IGFL2: variants seen among roughly 807,000 people sequenced by gnomAD.
The protein encoded by IGFL2 is IGF like family member 2.
Under a neutral mutation model 13.9 loss-of-function variants are expected in IGFL2, and 7 were observed. That is an observed-to-expected ratio of 0.51 (90% CI 0.29 to 0.95). IGFL2 has a LOEUF of 0.95. IGFL2 is among the 40% of genes least tolerant of loss of function. The probability of loss-of-function intolerance (pLI) is 0.08; values close to 1 mark genes in which losing one functional copy is unlikely to be tolerated. For missense variants in IGFL2, 138 were observed against 147.8 expected (o/e 0.93, Z 0.34); for synonymous variants, 55 against 55.8 (o/e 0.99, Z 0.07).
At chr19:46,125,402 A>C in the IGFL2 span, among the ~76,000 whole-genome samples, 1 of 152,200 alleles carries the variant, frequency 6.6e-6, no homozygotes, top group Admixed American at 6.5e-5. Context: ...AGGAGTGTGT[A>C]GTACTTAGGT....
the IGFL2 span, among the ~76,000 whole-genome samples, chr19:46,094,365 T>A: frequency 3.9e-5 from 6 of 152,142 alleles, no homozygotes; most frequent in Non-Finnish European, 8.8e-5. Context: ...ATATTTAGAT[T>A]GATTTTATTG....
chr19:46,124,208 C>A, the IGFL2 span: 1 of 1,609,148 alleles, frequency 6.2e-7, no homozygotes, highest in Non-Finnish European at 8.5e-7. Flanking sequence ...ATACTCAATT[C>A]CCAGTCTCTT....
chr19:46,137,124 A>C, the IGFL2 span: 1 of 1,608,972 alleles, frequency 6.2e-7, no homozygotes, highest in Non-Finnish European at 8.5e-7. Context: ...TTTGGCCCAG[A>C]TGTACAGGAA....
upstream of IGFL2, among the ~76,000 whole-genome samples, chr19:46,140,192 A>G (rs1972796205): frequency 6.6e-6 from 1 of 151,888 alleles, no homozygotes; most frequent in South Asian, 2.1e-4. Flanking sequence ...GGTGATCCAC[A>G]CACCTCAGCC....
At chr19:46,167,255 A>G in the IGFL2 span, among the ~76,000 whole-genome samples, 1 of 152,200 alleles carries the variant, frequency 6.6e-6, no homozygotes, top group African/African-American at 2.4e-5. Flanking sequence ...TTTGGGCCAC[A>G]GTGAAGAACT....
At chr19:46,206,106 A>G in the IGFL2 span, among the ~76,000 whole-genome samples, 2 of 152,176 alleles carry the variant, frequency 1.3e-5, no homozygotes, top group African/African-American at 4.8e-5. Context: ...TTGACCACAA[A>G]GTCTCAGGAT....
chr19:46,155,190 G>C (rs778696085), intron 1 of IGFL2, among the ~76,000 whole-genome samples: 1 of 152,232 alleles, frequency 6.6e-6, no homozygotes, highest in African/African-American at 2.4e-5. Flanking sequence ...GGGAGAAGGA[G>C]CCCCGGTGCT....
At chr19:46,150,926 A>G (rs1048579340) in intron 1 of IGFL2, among the ~76,000 whole-genome samples, 51 of 152,224 alleles carry the variant, frequency 3.4e-4, no homozygotes, top group Non-Finnish European at 1.5e-4. Context: ...TTGGCCTCCC[A>G]AAGTGCTGGG....
the IGFL2 span, among the ~76,000 whole-genome samples, chr19:46,088,982 A>G: frequency 6.6e-6 from 1 of 152,198 alleles, no homozygotes; most frequent in African/African-American, 2.4e-5. Context: ...ACTCTGGTAG[A>G]TCTTAAAAGT....
chr19:46,174,601 A>G, the IGFL2 span, among the ~76,000 whole-genome samples: 1 of 152,194 alleles, frequency 6.6e-6, no homozygotes, highest in African/African-American at 2.4e-5. Context: ...AGGCACCTCC[A>G]TATAATAAAT....
the IGFL2 span, among the ~76,000 whole-genome samples, chr19:46,200,479 C>CTTTTCTTTTCTT: frequency 2.9e-5 from 4 of 136,790 alleles, no homozygotes; most frequent in African/African-American, 8.8e-5. Context: ...TGGCCCTTTT[C>CTTTTCTTTTCTT]TTTTCTTTTC....
chr19:46,171,567 T>C, the IGFL2 span, among the ~76,000 whole-genome samples: 2 of 152,318 alleles, frequency 1.3e-5, no homozygotes, highest in East Asian at 3.9e-4. Context: ...AAATTAACTC[T>C]GAGTACAATT....
At chr19:46,169,213 TA>T in the IGFL2 span, among the ~76,000 whole-genome samples, 1 of 152,012 alleles carries the variant, frequency 6.6e-6, no homozygotes, top group Non-Finnish European at 1.5e-5. Context: ...CTCTAAAAAA[TA>T]AAATAAATTA....
At chr19:46,094,762 A>G in the IGFL2 span, among the ~76,000 whole-genome samples, 2,018 of 152,112 alleles carry the variant, frequency 0.013, 30 homozygotes, top group Middle Eastern at 0.027. Context: ...TCTCACTTAC[A>G]AGTGAGAACA....
chr19:46,148,042 T>G (rs1210067505), upstream of IGFL2: 2 of 480,502 alleles, frequency 4.2e-6, no homozygotes, highest in Non-Finnish European at 7.3e-6. Context: ...ACTCTGAGAT[T>G]TCGAGAGGTC....
At chr19:46,090,550 G>A in the IGFL2 span, among the ~76,000 whole-genome samples, 1 of 152,260 alleles carries the variant, frequency 6.6e-6, no homozygotes, top group Non-Finnish European at 1.5e-5. Context: ...AGCCTGGACA[G>A]ACTGGTGTGA....
chr19:46,148,329 T>C (rs569222133), intron 1 of IGFL2, 32 bp downstream of exon 1: 1 of 1,537,312 alleles, frequency 6.5e-7, no homozygotes, highest in South Asian at 1.2e-5. Context: ...GTTGAGCTAA[T>C]GCCTACTGTT....
At chr19:46,187,712 G>C in the IGFL2 span, among the ~76,000 whole-genome samples, 167 of 147,880 alleles carry the variant, frequency 1.1e-3, 4 homozygotes, top group African/African-American at 4.2e-3. Flanking sequence ...TACCTGATCA[G>C]AGACGGTGAG....
chr19:46,181,492 A>G, the IGFL2 span, among the ~76,000 whole-genome samples: 2 of 152,356 alleles, frequency 1.3e-5, no homozygotes, highest in African/African-American at 2.4e-5. Context: ...AACTTCCCCA[A>G]CTACCTCTGT....
Sources: allele counts gnomAD v4.1 joint callset (sites outside exome capture counted in the v4.1 genomes callset), GRCh38; gene constraint gnomAD v4.1.1; transcripts MANE v1.5; gene names NCBI Gene and HGNC (gene_info 2026-07-23, HGNC 2026-07-21).